The following EDA variants were observed in gnomAD, a reference collection of about 807,000 sequenced individuals.
EDA encodes ectodysplasin-A.
In EDA, 2 loss-of-function variants were observed where a neutral mutation model predicts 23.6. The ratio of observed to expected loss-of-function variants is 0.08; its 90% CI spans 0.03 to 0.27. The LOEUF (loss-of-function observed/expected upper bound fraction) is 0.27, where lower values mean the gene tolerates loss of function less well. Among genes scored for constraint, EDA ranks in the 10% least tolerant of loss-of-function variants. The pLI is 1.00. For missense variants in EDA, 229 were observed against 324.2 expected (o/e 0.71, Z 2.26); for synonymous variants, 131 against 132.0 (o/e 0.99, Z 0.05).
intron 1 of EDA, among the ~76,000 whole-genome samples, chrX:69,947,146 C>T (rs1254776143): frequency 8.9e-6 from 1 of 112,155 alleles, no homozygotes; most frequent in Admixed American, 9.4e-5. Context: ...TGAGGAATTA[C>T]AAAATAAATA....
chrX:70,003,981 G>C (rs1205590371), intron 2 of EDA, among the ~76,000 whole-genome samples: 1 of 111,550 alleles, frequency 9.0e-6, no homozygotes, highest in African/African-American at 3.3e-5. Flanking sequence ...TTACCCTTAG[G>C]CCTGGCTTTC....
chrX:69,695,512 C>CT (rs34298428), intron 1 of EDA, among the ~76,000 whole-genome samples: 1,842 of 88,824 alleles, frequency 0.021, 54 homozygotes, highest in African/African-American at 0.063. Context: ...TTCCTTCTTT[C>CT]TTTTTTTTTT....
intron 1 of EDA, among the ~76,000 whole-genome samples, chrX:69,710,042 T>A (rs754238104): frequency 1.6e-4 from 18 of 111,836 alleles, no homozygotes; most frequent in African/African-American, 5.5e-4. Context: ...TGCCATTGCT[T>A]TTGGTGTTTT....
At chrX:69,734,001 G>T (rs2013153357) in intron 1 of EDA, among the ~76,000 whole-genome samples, 1 of 110,090 alleles carries the variant, frequency 9.1e-6, no homozygotes. Flanking sequence ...CTGAAAGTTT[G>T]TGGAAAATTG....
At chrX:69,775,497 A>G (rs1047585295) in intron 1 of EDA, among the ~76,000 whole-genome samples, 1 of 111,636 alleles carries the variant, frequency 9.0e-6, no homozygotes, top group Non-Finnish European at 1.9e-5. Context: ...TTATTGAAGA[A>G]TCCCAGTATT....
intron 2 of EDA, among the ~76,000 whole-genome samples, chrX:69,966,963 G>GAT (rs1268803268): frequency 4.6e-5 from 5 of 107,730 alleles, no homozygotes; most frequent in African/African-American, 1.7e-4. Context: ...AAATATTATA[G>GAT]GTGTGTGTGT....
chrX:69,790,580 CA>C (rs1468364260), intron 1 of EDA, among the ~76,000 whole-genome samples: 1 of 111,191 alleles, frequency 9.0e-6, no homozygotes, highest in African/African-American at 3.3e-5. Context: ...TATTTGGGCC[CA>C]AAAGTATAAC....
rs774120903 is a variant in EDA at position 69,685,186 on chromosome X, C to T, written c.396+68482C>T. Among the ~76,000 whole-genome samples the T allele has an allele frequency of 5.4e-5, 6 of 111,815 alleles. No homozygotes were observed. In the South Asian group the frequency reaches 2.2e-3, roughly 42 times the overall value. On this transcript the variant is annotated intron_variant, in intron 1 of 7. Transcript: ENST00000374552. The stretch of plus-strand genomic sequence containing the variant: ...CCAAGAAAATTTCCTGAAATGGAAT[C>T]ATTTATAACTGATATGTTTCTGAAT...
intron 2 of EDA, among the ~76,000 whole-genome samples, chrX:69,981,750 A>G (rs1383885535): frequency 1.8e-5 from 2 of 112,172 alleles, no homozygotes; most frequent in African/African-American, 6.5e-5. Flanking sequence ...TGAAGTTAGT[A>G]TTATTATTCT....
At chrX:69,853,567 T>C (rs2017179420) in intron 1 of EDA, among the ~76,000 whole-genome samples, 2 of 112,180 alleles carry the variant, frequency 1.8e-5, no homozygotes, top group African/African-American at 3.2e-5. Context: ...TTAAAAATCG[T>C]AATCCAGGCT....
chrX:69,951,618 A>G (rs1353950934), intron 1 of EDA, among the ~76,000 whole-genome samples: 1 of 111,758 alleles, frequency 8.9e-6, no homozygotes, highest in Non-Finnish European at 1.9e-5. Context: ...TAGCCATGAA[A>G]TAGAAAATGA....
At chrX:69,677,872 T>C (rs756037096) in intron 1 of EDA, among the ~76,000 whole-genome samples, 2 of 111,815 alleles carry the variant, frequency 1.8e-5, no homozygotes, top group African/African-American at 6.5e-5. Context: ...TTGCTTTTGG[T>C]GTTTTAGACA....
At chrX:69,692,323 A>G (rs1449298953) in intron 1 of EDA, among the ~76,000 whole-genome samples, 1 of 111,584 alleles carries the variant, frequency 9.0e-6, no homozygotes, top group Non-Finnish European at 1.9e-5. Flanking sequence ...GTAGATCACA[A>G]AACATCTTTA....
At chrX:69,765,513 C>T (rs776424016) in intron 1 of EDA, among the ~76,000 whole-genome samples, 1 of 112,041 alleles carries the variant, frequency 8.9e-6, no homozygotes, top group East Asian at 2.8e-4. Flanking sequence ...CATTCATAAC[C>T]ATCACTGGTG....
intron 6 of EDA, among the ~76,000 whole-genome samples, chrX:70,031,681 C>T (rs1381158030): frequency 1.8e-5 from 2 of 112,447 alleles, no homozygotes; most frequent in African/African-American, 6.5e-5. Flanking sequence ...CTGCCACCTC[C>T]ATGTCTGACT....
At chrX:69,661,918 A>T (rs1602264263) in intron 1 of EDA, among the ~76,000 whole-genome samples, 1 of 112,233 alleles carries the variant, frequency 8.9e-6, no homozygotes, top group Non-Finnish European at 1.9e-5. Context: ...ATTACAGTGA[A>T]ACAAACTAAT....
intron 1 of EDA, among the ~76,000 whole-genome samples, chrX:69,910,290 C>T (rs757975851): frequency 3.0e-4 from 32 of 107,886 alleles, no homozygotes; most frequent in African/African-American, 1.1e-3. Context: ...CCATTGCACC[C>T]ACCTACTAAT....
rs753172931 is a variant in EDA, at chrX:69,770,685, T to TC, written c.396+153985dup. Among the ~76,000 whole-genome samples, 43 of 111,519 alleles carry TC rather than the reference T, an allele frequency of 3.9e-4. 1 individual carries two copies. In the East Asian group the frequency reaches 0.011, roughly 29 times the overall value. ...TCCCAGTGTGTAGCTTGTCTTTTCA[T>TC]CCCCTTAAGAGGGTCTTATGAAGAG... On this transcript the variant is annotated intron_variant, in intron 1 of 7. Transcript: ENST00000374552.
intron 1 of EDA, among the ~76,000 whole-genome samples, chrX:69,872,448 A>G (rs566391579): frequency 8.0e-5 from 9 of 112,214 alleles, no homozygotes; most frequent in African/African-American, 2.3e-4. Context: ...CTTAAAAGAT[A>G]TAGAATGGCA....
Sources: allele counts gnomAD v4.1 joint callset (sites outside exome capture counted in the v4.1 genomes callset), GRCh38; gene constraint gnomAD v4.1.1; transcripts MANE v1.5; gene names NCBI Gene and HGNC (gene_info 2026-07-23, HGNC 2026-07-21).